Variants in GPAM observed in about 807,000 individuals in gnomAD.
The protein encoded by GPAM is glycerol-3-phosphate acyltransferase, mitochondrial, also known as glycerol-3-phosphate acyltransferase 1, mitochondrial.
GPAM carries 56 observed loss-of-function variants against 105.0 expected under a neutral mutation model. That is an observed-to-expected ratio of 0.53 (90% CI 0.43 to 0.67). GPAM has a LOEUF of 0.67. Among genes scored for constraint, GPAM ranks in the 30% least tolerant of loss-of-function variants. The pLI is 0.00. For missense variants in GPAM, 855 were observed against 989.8 expected, an observed-to-expected ratio of 0.86 and a Z score of 1.83; for synonymous variants, 368 against 354.4, an observed-to-expected ratio of 1.04 and a Z score of -0.43.
intron 1 of GPAM, among the ~76,000 whole-genome samples, chr10:112,207,111 C>T (rs1282563457): frequency 6.6e-6 from 1 of 152,206 alleles, no homozygotes; most frequent in Non-Finnish European, 1.5e-5. Flanking sequence ...GGTGATTTTG[C>T]TCCACAGGGG....
At position 112,163,727 on chromosome 10, in the gene GPAM, G is replaced by T. The variant is rs1461044757; in HGVS notation, c.1397C>A (p.Ala466Glu). 7 of 1,564,938 alleles carry T rather than the reference G, an allele frequency of 4.5e-6. No individual in the cohort carries two copies. The South Asian group carries it at 5.6e-5, about 12-fold the overall frequency. ...GAATAGAATATGCTCAGCCAGATTT[G>T]CAATCAACCTCCTTCGTAGGGATTC... ...TDESLRRRLI[A>E]NLAEHILFTA... The change falls in exon 14 of 22, where the codon GCA becomes GAA. Residue 466 changes from alanine (A) to glutamate (E), a missense_variant. Physicochemically the swap from Ala to Glu is moderately radical, Grantham distance 107. Coordinates refer to ENST00000348367, the MANE Select transcript of GPAM (RefSeq NM_001244949.2).
In GPAM at chr10:112,156,024, A is replaced by T; in HGVS notation, c.2151T>A (p.Phe717Leu). The T allele has an allele frequency of 1.9e-6, 3 of 1,613,286 alleles. No individual in the cohort carries two copies. The highest frequency in any genetic ancestry group is 2.5e-6 in the Non-Finnish European group (3 of 1,179,432). The change falls in exon 20 of 22, where the codon TTT becomes TTA. Residue 717 changes from phenylalanine (F) to leucine (L), a missense_variant. Physicochemically the swap from Phe to Leu is conservative, Grantham distance 22. Transcript: ENST00000348367. ...KVSQSKEHQQ[F>L]ITFLQRLLGP... Reference sequence around the variant, plus strand: ...CAAGGAGTCTCTGTAAGAAGGTGATAAACTGCTGGTGCTCCTTGGATTGGC... The same window carrying T: ...CAAGGAGTCTCTGTAAGAAGGTGATTAACTGCTGGTGCTCCTTGGATTGGC...
intron 1 of GPAM, among the ~76,000 whole-genome samples, chr10:112,202,205 C>A (rs566010226): frequency 2.0e-5 from 3 of 152,278 alleles, no homozygotes; most frequent in South Asian, 4.2e-4. Flanking sequence ...ACTACTCAAC[C>A]CTTTTGTAGC....
At chr10:112,204,411 T>C (rs1847836516) in intron 1 of GPAM, among the ~76,000 whole-genome samples, 1 of 151,666 alleles carries the variant, frequency 6.6e-6, no homozygotes, top group Non-Finnish European at 1.5e-5. Flanking sequence ...GGAAGAGGGT[T>C]GGGAGTGGGT....
Position 112,173,018 on chromosome 10 carries a change from G to A in GPAM, c.609C>T (p.Asn203=). ...LLKLFNSFFW[N]IQIHKGQLEM... ...CAAGTTGACCTTTGTGAATTTGAATGTTCCAAAAGAAGCTGTTGAACAGTT... is the reference window on the plus strand; with the variant it reads ...CAAGTTGACCTTTGTGAATTTGAATATTCCAAAAGAAGCTGTTGAACAGTT... The change falls in exon 8 of 22, where the codon AAC becomes AAT. Residue 203 remains asparagine, a synonymous_variant. Coordinates refer to ENST00000348367, the MANE Select transcript of GPAM (RefSeq NM_001244949.2). The A allele has an allele frequency of 6.2e-7, 1 of 1,610,118 alleles. No homozygotes were observed. Among genetic ancestry groups the A allele is most frequent in the South Asian group, 1.1e-5 (1 of 90,970 alleles).
rs1449085186 is a variant in GPAM, at chr10:112,178,061, T to TA, written c.226-5dup. The TA allele has an allele frequency of 6.5e-7, 1 of 1,534,190 alleles. No individual in the cohort carries two copies. Among genetic ancestry groups the TA allele is most frequent in the Non-Finnish European group, 9.0e-7 (1 of 1,107,644 alleles). Reference sequence around the variant, plus strand: ...TACTGGGGTTGAAAAATTTGTCCTATATAAAACAAAGTAAATGTAGACATA... The same window carrying TA: ...TACTGGGGTTGAAAAATTTGTCCTATAATAAAACAAAGTAAATGTAGACATA... On this transcript the variant is annotated splice_region_variant and splice_polypyrimidine_tract_variant and intron_variant, in intron 4 of 21. Coordinates refer to ENST00000348367, the MANE Select transcript of GPAM (RefSeq NM_001244949.2).
At chr10:112,172,942 G>A (rs532676182) in intron 8 of GPAM, 28 bp downstream of exon 8, 2 of 1,161,410 alleles carry the variant, frequency 1.7e-6, no homozygotes, top group South Asian at 1.2e-5. Context: ...AGGGGAAAAT[G>A]GGGTAATAGA....
intron 1 of GPAM, among the ~76,000 whole-genome samples, chr10:112,191,640 T>C (rs538473440): frequency 5.5e-4 from 84 of 152,310 alleles, no homozygotes; most frequent in Non-Finnish European, 9.9e-4. Flanking sequence ...TAATTGCAAC[T>C]AACTGCCTTT....
intron 12 of GPAM, among the ~76,000 whole-genome samples, chr10:112,165,641 G>A (rs1045003294): frequency 6.6e-6 from 1 of 152,040 alleles, no homozygotes; most frequent in Non-Finnish European, 1.5e-5. Flanking sequence ...AGTGAGCTGA[G>A]ATTTCGCCAC....
At chr10:112,198,834 C>CTTTT (rs1847756849) in intron 1 of GPAM, among the ~76,000 whole-genome samples, 1 of 152,096 alleles carries the variant, frequency 6.6e-6, no homozygotes, top group Admixed American at 6.6e-5. Flanking sequence ...ACGGACTACT[C>CTTTT]TTCAGCCTTG....
chr10:112,211,859 T>C (rs1164943747), intron 1 of GPAM, among the ~76,000 whole-genome samples: 1 of 152,242 alleles, frequency 6.6e-6, no homozygotes, highest in Non-Finnish European at 1.5e-5. Context: ...AATGACCTTT[T>C]TCCTTAGGCT....
intron 4 of GPAM, among the ~76,000 whole-genome samples, chr10:112,180,112 C>G (rs1383317554): frequency 1.3e-5 from 2 of 152,210 alleles, no homozygotes; most frequent in African/African-American, 2.4e-5. Flanking sequence ...GTCCCATTAT[C>G]TCTTTCTTAT....
At chr10:112,219,220 G>A (rs942198721), upstream of GPAM, among the ~76,000 whole-genome samples, 1 of 152,196 alleles carries the variant, frequency 6.6e-6, no homozygotes, top group South Asian at 2.1e-4. Flanking sequence ...TGGCAGAGCA[G>A]CACCAGAAAA....
At chr10:112,203,807 G>A (rs1385532573) in intron 1 of GPAM, among the ~76,000 whole-genome samples, 1 of 152,200 alleles carries the variant, frequency 6.6e-6, no homozygotes, top group Non-Finnish European at 1.5e-5. Flanking sequence ...GGTTCAGGAA[G>A]AAGAACTAAG....
At chr10:112,156,300 C>G in intron 19 of GPAM, 1 of 515,660 alleles carries the variant, frequency 1.9e-6, no homozygotes, top group Non-Finnish European at 3.5e-6. Context: ...GTTCATTGAA[C>G]AGCCACCTAG....
chr10:112,181,847 G>C, intron 2 of GPAM, 34 bp from the exon 3 acceptor site: 1 of 921,548 alleles, frequency 1.1e-6, no homozygotes, highest in Non-Finnish European at 1.8e-6. Context: ...AATTAACAAG[G>C]AATCGAGAGA....
At chr10:112,173,678 T>G in intron 7 of GPAM, 21 bp downstream of exon 7, 1 of 1,612,424 alleles carries the variant, frequency 6.2e-7, no homozygotes, top group Non-Finnish European at 8.5e-7. Context: ...ATTGAAAGCT[T>G]TCTGCCTTGC....
At chr10:112,156,345 T>C (rs1847017269) in intron 19 of GPAM, 1 of 404,110 alleles carries the variant, frequency 2.5e-6, no homozygotes, top group Non-Finnish European at 4.6e-6. Context: ...CTACTTGTGA[T>C]ACGCTGTCAT....
Position 112,153,869 on chromosome 10 carries a change from A to T in GPAM, c.2371-203T>A, listed in dbSNP as rs113388222. 1,035 of 463,680 alleles carry T rather than the reference A, an allele frequency of 2.2e-3. 9 individuals are homozygous for T. Among genetic ancestry groups the T allele is most frequent in the African/African-American group, 0.02 (963 of 48,872 alleles). The allele number at this position is 463,680 out of a possible 1,614,324, so 28.7% of individuals were successfully genotyped here. On this transcript the variant is annotated intron_variant, in intron 21 of 21. Transcript: ENST00000348367. Reference sequence around the variant, plus strand: ...AATGCAAACAAGGTTTTCTTTTTCTATTTTTTTTTTTTTGTTTTGATGGAG... The same window carrying T: ...AATGCAAACAAGGTTTTCTTTTTCTTTTTTTTTTTTTTTGTTTTGATGGAG...
Sources: allele counts gnomAD v4.1 joint callset (sites outside exome capture counted in the v4.1 genomes callset), GRCh38; gene constraint gnomAD v4.1.1; transcripts MANE v1.5; gene names NCBI Gene and HGNC (gene_info 2026-07-23, HGNC 2026-07-21).